The following PCDH15 variants were observed in gnomAD, a reference collection of about 807,000 sequenced individuals.
The protein encoded by PCDH15 is protocadherin related 15.
PCDH15 carries 129 observed loss-of-function variants against 178.5 expected under a neutral mutation model. That is an observed-to-expected ratio of 0.72 (90% CI 0.63 to 0.84). The LOEUF (loss-of-function observed/expected upper bound fraction) is 0.84, where lower values mean the gene tolerates loss of function less well. Among genes scored for constraint, PCDH15 ranks in the 40% least tolerant of loss-of-function variants. The pLI is 0.00. For missense variants in PCDH15, 2,230 were observed against 2,099.9 expected, an observed-to-expected ratio of 1.06 and a Z score of -1.21; for synonymous variants, 800 against 732.0, an observed-to-expected ratio of 1.09 and a Z score of -1.50.
intron 1 of PCDH15, among the ~76,000 whole-genome samples, chr10:55,189,705 G>T (rs1321444636): frequency 6.6e-6 from 1 of 151,332 alleles, no homozygotes; most frequent in South Asian, 2.1e-4. Flanking sequence ...TTCTTTTTTT[G>T]CAATAAAGGA....
chr10:54,882,945 G>T (rs1465872294), intron 3 of PCDH15, among the ~76,000 whole-genome samples: 1 of 151,990 alleles, frequency 6.6e-6, no homozygotes, highest in Non-Finnish European at 1.5e-5. Context: ...TGTCCACAGA[G>T]TGCATATAGT....
chr10:55,241,574 C>G (rs893080481), intron 1 of PCDH15, among the ~76,000 whole-genome samples: 1 of 151,948 alleles, frequency 6.6e-6, no homozygotes, highest in Non-Finnish European at 1.5e-5. Flanking sequence ...TGTACACCAC[C>G]GTGCCTGGCT....
intron 1 of PCDH15, among the ~76,000 whole-genome samples, chr10:55,179,512 T>C (rs771623012): frequency 7.2e-5 from 11 of 151,886 alleles, no homozygotes; most frequent in Non-Finnish European, 1.2e-4. Context: ...AACCAAACTT[T>C]TTCCAAGCCT....
At chr10:55,120,599 T>A (rs1250899939) in intron 2 of PCDH15, among the ~76,000 whole-genome samples, 6 of 152,086 alleles carry the variant, frequency 3.9e-5, no homozygotes, top group Admixed American at 3.9e-4. Context: ...AGATGTGGCA[T>A]CACAACTACC....
At chr10:54,081,982 T>TA (rs2135970719) in intron 16 of PCDH15, among the ~76,000 whole-genome samples, 1 of 152,244 alleles carries the variant, frequency 6.6e-6, no homozygotes, top group African/African-American at 2.4e-5. Context: ...GAATTTGTTT[T>TA]AAAAAAAGGT....
At chr10:54,169,864 C>T (rs2046689491) in intron 13 of PCDH15, among the ~76,000 whole-genome samples, 1 of 151,760 alleles carries the variant, frequency 6.6e-6, no homozygotes, top group Admixed American at 6.6e-5. Context: ...GTCCTAAAAC[C>T]AGATAAGCCT....
chr10:55,529,568 G>T (rs1841395630), intron 2 of PCDH15, among the ~76,000 whole-genome samples: 1 of 151,256 alleles, frequency 6.6e-6, no homozygotes, highest in Admixed American at 6.6e-5. Flanking sequence ...CCATGTGAGA[G>T]ATACAAGATG....
chr10:55,214,498 A>C (rs926478005), intron 1 of PCDH15, among the ~76,000 whole-genome samples: 3 of 151,856 alleles, frequency 2.0e-5, no homozygotes, highest in African/African-American at 4.8e-5. Flanking sequence ...ATCATAATAC[A>C]TGACCATTTT....
At chr10:55,195,594 G>A (rs1439732892) in intron 1 of PCDH15, among the ~76,000 whole-genome samples, 4 of 148,746 alleles carry the variant, frequency 2.7e-5, no homozygotes, top group African/African-American at 7.5e-5. Flanking sequence ...GGCGGAGGAT[G>A]TAGTGAGCTG....
intron 22 of PCDH15, 72 bp from the exon 23 acceptor site, chr10:53,959,916 A>C (rs747389124): frequency 6.0e-6 from 7 of 1,159,628 alleles, no homozygotes; most frequent in Non-Finnish European, 9.0e-6. Flanking sequence ...TTTTATATGT[A>C]TGTTTTTACT....
At chr10:55,107,717 T>C (rs1161629721) in intron 2 of PCDH15, among the ~76,000 whole-genome samples, 3 of 151,708 alleles carry the variant, frequency 2.0e-5, no homozygotes, top group Non-Finnish European at 4.4e-5. Flanking sequence ...GGTCTCGAAC[T>C]CCTGACCTCA....
chr10:54,348,611 G>A (rs1024037955), intron 5 of PCDH15, among the ~76,000 whole-genome samples: 1 of 136,262 alleles, frequency 7.3e-6, no homozygotes, highest in East Asian at 1.9e-4. Context: ...TATTTGTTGT[G>A]TACAACATGT....
chr10:54,422,993 C>T (rs1421954171), intron 3 of PCDH15, among the ~76,000 whole-genome samples: 1 of 152,104 alleles, frequency 6.6e-6, no homozygotes, highest in East Asian at 1.9e-4. Flanking sequence ...TTTTGAAGTC[C>T]TGTTTCACTG....
At chr10:55,373,386 C>T (rs965528184) in intron 2 of PCDH15, among the ~76,000 whole-genome samples, 3 of 152,016 alleles carry the variant, frequency 2.0e-5, no homozygotes, top group Admixed American at 6.6e-5. Flanking sequence ...TGTGCTAGAA[C>T]GGGCAGATGA....
At chr10:53,808,987 G>C in intron 37 of PCDH15, 1 of 1,564,252 alleles carries the variant, frequency 6.4e-7, no homozygotes, top group South Asian at 1.2e-5. Flanking sequence ...TTCCATCTTA[G>C]GTTCTTTTTG....
At chr10:55,440,270 AAAC>A (rs1304725303) in intron 2 of PCDH15, among the ~76,000 whole-genome samples, 1 of 152,184 alleles carries the variant, frequency 6.6e-6, no homozygotes, top group African/African-American at 2.4e-5. Context: ...TCATAATGTC[AAAC>A]AATTAAAATA....
intron 3 of PCDH15, among the ~76,000 whole-genome samples, chr10:54,421,591 C>T (rs1320018815): frequency 7.0e-6 from 1 of 142,746 alleles, no homozygotes; most frequent in Admixed American, 7.3e-5. Context: ...TACATACCTG[C>T]CTAAATTTTT....
chr10:54,112,008 T>C (rs1211547222), intron 15 of PCDH15, among the ~76,000 whole-genome samples: 1 of 143,894 alleles, frequency 6.9e-6, no homozygotes, highest in Admixed American at 7.0e-5. Flanking sequence ...CTTAGCGTGG[T>C]GGTGGGCGCC....
chr10:54,350,920 A>G (rs1944071420), intron 5 of PCDH15, among the ~76,000 whole-genome samples: 1 of 152,116 alleles, frequency 6.6e-6, no homozygotes, highest in African/African-American at 2.4e-5. Flanking sequence ...CCTGGCCAGC[A>G]TGGTGAAATC....
Sources: gnomAD v4.1 joint callset for allele counts (sites outside exome capture counted in the v4.1 genomes callset) on GRCh38, gnomAD v4.1.1 for gene constraint, MANE v1.5 for transcripts, NCBI Gene and HGNC (gene_info 2026-07-23, HGNC 2026-07-21) for gene names.